TENM4: variants seen among roughly 807,000 people sequenced by gnomAD.
The protein encoded by TENM4 is teneurin-4.
In TENM4, 82 loss-of-function variants were observed where a neutral mutation model predicts 243.3. The ratio of observed to expected loss-of-function variants is 0.34; its 90% CI spans 0.28 to 0.40. The LOEUF (loss-of-function observed/expected upper bound fraction) is 0.40. Among genes scored for constraint, TENM4 ranks in the 10% least tolerant of loss-of-function variants. The pLI, the probability that TENM4 is intolerant of heterozygous loss-of-function variation, is 1.00. For synonymous variants in TENM4, 1,412 were observed against 1,456.3 expected, an observed-to-expected ratio of 0.97 and a Z score of 0.69; for missense variants, 3,138 against 3,673.3, an observed-to-expected ratio of 0.85 and a Z score of 3.77.
chr11:79,415,647 G>C (rs1858797068), intron 1 of TENM4, among the ~76,000 whole-genome samples: 1 of 152,186 alleles, frequency 6.6e-6, no homozygotes, highest in Admixed American at 6.5e-5. Flanking sequence ...GGCATCTGAA[G>C]AGAACTCATC....
intron 10 of TENM4, among the ~76,000 whole-genome samples, chr11:78,860,961 TAG>T (rs1858804897): frequency 6.6e-6 from 1 of 152,188 alleles, no homozygotes; most frequent in Non-Finnish European, 1.5e-5. Flanking sequence ...CTAATTTCAT[TAG>T]AGTGAGAGAT....
At position 79,222,367 on chromosome 11, in the gene TENM4, G is replaced by A. The variant is rs181411138; in HGVS notation, c.-264-6458C>T. Among the ~76,000 whole-genome samples, 393 of 152,236 alleles carry A rather than the reference G, an allele frequency of 2.6e-3. 3 individuals are homozygous for A. The highest frequency in any genetic ancestry group is 9.2e-3 in the African/African-American group (383 of 41,540). On this transcript the variant is annotated intron_variant, in intron 2 of 33. Transcript: ENST00000278550. ...TTTTTATGGCTGCATAGTATTCCAT[G>A]GTGTATATGTACAACATTTTTTTTC...
chr11:79,085,844 C>T lies in TENM4; in HGVS notation c.-65-15835G>A, dbSNP rs531844645. ...CCCACACTTTACATGCTGTTTTGGC[C>T]AATTGCTTGCCACTTATTTCCTGTG... On this transcript the variant is annotated intron_variant, in intron 4 of 33. Transcript: ENST00000278550. Among the ~76,000 whole-genome samples, 4 of 152,298 alleles carry T rather than the reference C, an allele frequency of 2.6e-5. No homozygotes were observed. In the South Asian group the frequency reaches 6.2e-4, roughly 24 times the overall value.
chr11:79,309,408 G>A (rs567885723), intron 1 of TENM4, among the ~76,000 whole-genome samples: 18 of 152,148 alleles, frequency 1.2e-4, no homozygotes, highest in Non-Finnish European at 2.1e-4. Context: ...TACAGGGTGG[G>A]CATTCTTGTG....
chr11:78,751,972 C>G (rs1856200347), intron 19 of TENM4, among the ~76,000 whole-genome samples: 1 of 152,186 alleles, frequency 6.6e-6, no homozygotes, highest in Non-Finnish European at 1.5e-5. Flanking sequence ...GCAGATGGGA[C>G]CCGGGCATCC....
chr11:79,300,121 A>G (rs1431658063), intron 1 of TENM4, among the ~76,000 whole-genome samples: 1 of 152,162 alleles, frequency 6.6e-6, no homozygotes, highest in Non-Finnish European at 1.5e-5. Context: ...ACTCTGTTAC[A>G]CTGCAGTCAT....
chr11:79,308,750 A>T (rs1856668374), intron 1 of TENM4, among the ~76,000 whole-genome samples: 1 of 152,108 alleles, frequency 6.6e-6, no homozygotes. Context: ...AGGCCATGCC[A>T]CCCACTCTGC....
intron 6 of TENM4, among the ~76,000 whole-genome samples, chr11:79,023,166 C>A (rs751862297): frequency 1.3e-4 from 20 of 152,160 alleles, no homozygotes; most frequent in Non-Finnish European, 2.6e-4. Context: ...CTCAGATATA[C>A]CTATGATACC....
chr11:79,058,641 A>G (rs766803238), intron 6 of TENM4, among the ~76,000 whole-genome samples: 1 of 152,204 alleles, frequency 6.6e-6, no homozygotes, highest in Admixed American at 6.5e-5. Context: ...GCACCCTTCA[A>G]TGAGATAACC....
intron 6 of TENM4, among the ~76,000 whole-genome samples, chr11:78,944,667 CAGGAG>C (rs1388797437): frequency 3.3e-5 from 5 of 152,248 alleles, no homozygotes; most frequent in Non-Finnish European, 4.4e-5. Context: ...GTCTGGATAT[CAGGAG>C]CGTTCCTGCT....
At chr11:79,063,153 C>T (rs1319451736) in intron 6 of TENM4, among the ~76,000 whole-genome samples, 1 of 152,182 alleles carries the variant, frequency 6.6e-6, no homozygotes, top group Non-Finnish European at 1.5e-5. Flanking sequence ...ACATGGGACT[C>T]TGGACCCTAA....
chr11:78,888,894 C>T (rs1320948138), intron 9 of TENM4, among the ~76,000 whole-genome samples: 15 of 152,174 alleles, frequency 9.9e-5, no homozygotes, highest in Admixed American at 9.8e-4. Context: ...TAGGGTTAAG[C>T]CAATCTCCCT....
chr11:78,897,530 G>C (rs1026456619), intron 7 of TENM4, among the ~76,000 whole-genome samples: 3 of 152,116 alleles, frequency 2.0e-5, no homozygotes, highest in African/African-American at 7.2e-5. Context: ...TCCCAGTAAG[G>C]GCTCTCTCTA....
chr11:79,068,924 G>A (rs750595729), intron 5 of TENM4, among the ~76,000 whole-genome samples: 4 of 152,144 alleles, frequency 2.6e-5, no homozygotes, highest in Non-Finnish European at 4.4e-5. Context: ...TCAGTTTAAG[G>A]GCAACAGGGA....
At chr11:79,097,530 G>A (rs934465716) in intron 4 of TENM4, 7 of 152,162 alleles carry the variant, frequency 4.6e-5, no homozygotes, top group Admixed American at 1.3e-4. Flanking sequence ...TTTGGAAATT[G>A]AAATTTCCCA....
chr11:79,361,864 T>C (rs1857595474), intron 1 of TENM4, among the ~76,000 whole-genome samples: 1 of 152,120 alleles, frequency 6.6e-6, no homozygotes, highest in Non-Finnish European at 1.5e-5. Context: ...ATTCAGTAAA[T>C]GGTGTCAGGA....
At chr11:78,978,674 A>G (rs1478893591) in intron 6 of TENM4, among the ~76,000 whole-genome samples, 1 of 152,186 alleles carries the variant, frequency 6.6e-6, no homozygotes, top group Admixed American at 6.5e-5. Context: ...ACTCTGACCA[A>G]GGGCACTAGA....
At chr11:78,869,843 G>A (rs184823767) in intron 9 of TENM4, among the ~76,000 whole-genome samples, 3 of 152,236 alleles carry the variant, frequency 2.0e-5, no homozygotes, top group East Asian at 1.9e-4. Context: ...CAAAGATTTC[G>A]CTGACAGCAT....
intron 6 of TENM4, among the ~76,000 whole-genome samples, chr11:79,010,572 G>A (rs1294985330): frequency 6.6e-6 from 1 of 152,120 alleles, no homozygotes; most frequent in Admixed American, 6.5e-5. Context: ...CAATTATGGT[G>A]GAAAGCAAGG....
Sources: gnomAD v4.1 joint callset for allele counts (sites outside exome capture counted in the v4.1 genomes callset) on GRCh38, gnomAD v4.1.1 for gene constraint, MANE v1.5 for transcripts, NCBI Gene and HGNC (gene_info 2026-07-23, HGNC 2026-07-21) for gene names.